Variants in FSHR observed in about 807,000 individuals in gnomAD.
The protein encoded by FSHR is follicle-stimulating hormone receptor.
Under a neutral mutation model 52.1 loss-of-function variants are expected in FSHR, and 46 were observed. The ratio of observed to expected loss-of-function variants is 0.88; its 90% confidence interval spans 0.70 to 1.13. The LOEUF (loss-of-function observed/expected upper bound fraction) is 1.13. Ranked by LOEUF, FSHR falls within the 50% of genes most tolerant of loss-of-function variation. The pLI, the probability that FSHR is intolerant of heterozygous loss-of-function variation, is 0.00. For missense variants in FSHR, 964 were observed against 834.6 expected, an observed-to-expected ratio of 1.16 and a Z score of -1.91; for synonymous variants, 399 against 309.6, an observed-to-expected ratio of 1.29 and a Z score of -3.03.
chr2:49,028,646 A>C (rs150703128), intron 2 of FSHR, among the ~76,000 whole-genome samples: 1 of 152,316 alleles, frequency 6.6e-6, no homozygotes, highest in Non-Finnish European at 1.5e-5. Flanking sequence ...TAGTTGTAGC[A>C]TTGTGAGAAG....
intron 2 of FSHR, among the ~76,000 whole-genome samples, chr2:49,022,533 C>T (rs926099659): frequency 3.5e-4 from 53 of 152,050 alleles, no homozygotes; most frequent in Admixed American, 6.5e-4. Context: ...GGGTGTTTAC[C>T]GTTTATCAGC....
intron 1 of FSHR, among the ~76,000 whole-genome samples, chr2:49,105,886 A>G (rs1385685528): frequency 6.6e-6 from 1 of 152,162 alleles, no homozygotes; most frequent in African/African-American, 2.4e-5. Context: ...CAAGAGTTTC[A>G]TGGCAAGGTG....
chr2:49,010,512 G>T (rs992636359), intron 4 of FSHR, among the ~76,000 whole-genome samples: 1 of 152,004 alleles, frequency 6.6e-6, no homozygotes, highest in East Asian at 1.9e-4. Flanking sequence ...GTCTCTGCCC[G>T]GCTTTGGTAT....
At chr2:49,075,024 T>G (rs1202624480) in intron 1 of FSHR, among the ~76,000 whole-genome samples, 1 of 152,078 alleles carries the variant, frequency 6.6e-6, no homozygotes, top group Non-Finnish European at 1.5e-5. Context: ...CAGAGGATAC[T>G]AGAGGCTGGG....
rs773442849 is a variant in FSHR at position 49,112,370 on chromosome 2, G to A, written c.152+41896C>T. Among the ~76,000 whole-genome samples the A allele has an allele frequency of 3.8e-4, 58 of 152,216 alleles. 1 individual carries two copies. Among genetic ancestry groups the A allele is most frequent in the Non-Finnish European group, 6.5e-4 (44 of 68,004 alleles). On this transcript the variant is annotated intron_variant, in intron 1 of 9. Coordinates refer to ENST00000406846, the MANE Select transcript of FSHR (RefSeq NM_000145.4). ...GAAATATTTATGATGAAACAATAAT[G>A]TCTAGGACTTGTTTTAAAATAATGC...
At chr2:49,026,445 C>G (rs926324724) in intron 2 of FSHR, among the ~76,000 whole-genome samples, 1 of 152,154 alleles carries the variant, frequency 6.6e-6, no homozygotes, top group Non-Finnish European at 1.5e-5. Flanking sequence ...ACCTTGTCAG[C>G]TAAGTGCCAT....
At chr2:49,126,688 G>C (rs924158519) in intron 1 of FSHR, among the ~76,000 whole-genome samples, 1 of 152,170 alleles carries the variant, frequency 6.6e-6, no homozygotes, top group African/African-American at 2.4e-5. Flanking sequence ...TTCTGTCACT[G>C]TATAGAGGAA....
At chr2:48,989,134 G>T in intron 5 of FSHR, 80 bp from the exon 6 acceptor site, 1 of 1,046,704 alleles carries the variant, frequency 9.6e-7, no homozygotes, top group South Asian at 1.3e-5. Flanking sequence ...TAACTGGCAT[G>T]ATGCGGTCTT....
chr2:48,997,031 T>C lies in FSHR; in HGVS notation c.375-6394A>G, dbSNP rs142884800. The C allele has an allele frequency of 4.3e-4, 67 of 154,622 alleles. 2 individuals are homozygous for C. Among genetic ancestry groups the C allele is most frequent in the South Asian group, 2.1e-3 (10 of 4,854 alleles). 9.6% of individuals were successfully genotyped at this position (154,622 alleles called of 1,614,324 possible). A position where few individuals can be genotyped will look rare whatever the true frequency, so the allele number is the denominator to read the frequency against. ...TGCTTTCTGAATCATTAAATAAACA[T>C]TGCGCTAGGTATAGTATCACAGAAT... On this transcript the variant is annotated intron_variant, in intron 4 of 9. Coordinates refer to ENST00000406846, the MANE Select transcript of FSHR (RefSeq NM_000145.4).
At chr2:49,140,713 G>GA (rs1427417326) in intron 1 of FSHR, among the ~76,000 whole-genome samples, 19 of 142,188 alleles carry the variant, frequency 1.3e-4, no homozygotes, top group Admixed American at 6.3e-4. Flanking sequence ...CAAAAAAAGA[G>GA]AGAAAAAAAA....
rs190680527 is a variant in FSHR at position 49,016,363 on chromosome 2, G to A, written c.374+1126C>T. On this transcript the variant is annotated intron_variant, in intron 4 of 9. Transcript: ENST00000406846. ...TCACCTTTTGAATCTGGATGATTCA[G>A]TGAATTGTTTTGGTTAATAGAATGC... is the stretch of plus-strand genomic sequence containing the variant. Among the ~76,000 whole-genome samples the A allele has an allele frequency of 1.6e-4, 24 of 152,290 alleles. 1 individual carries two copies. Among genetic ancestry groups the A allele is most frequent in the Admixed American group, 1.4e-3 (22 of 15,286 alleles).
rs560657393 is a variant in FSHR at position 49,111,138 on chromosome 2, C to T, written c.153-42848G>A. Among the ~76,000 whole-genome samples, 7 of 152,230 alleles carry T rather than the reference C, an allele frequency of 4.6e-5. No homozygotes were observed. The South Asian group carries it at 1.5e-3, about 32-fold the overall frequency. Reference sequence around the variant, plus strand: ...TTGTCACTATCTTGTCCTTATTAAGCCATTAGGACATATGAGAGCCATGTT... The same window carrying T: ...TTGTCACTATCTTGTCCTTATTAAGTCATTAGGACATATGAGAGCCATGTT... On this transcript the variant is annotated intron_variant, in intron 1 of 9. Transcript: ENST00000406846.
chr2:49,117,230 C>T (rs1289063967), intron 1 of FSHR, among the ~76,000 whole-genome samples: 1 of 152,192 alleles, frequency 6.6e-6, no homozygotes, highest in Non-Finnish European at 1.5e-5. Context: ...TTCACCCTTC[C>T]AGACTTCTCA....
rs1183087721 is a variant in FSHR, at chr2:49,062,333, G to A, written c.224+5886C>T. Among the ~76,000 whole-genome samples the A allele has an allele frequency of 3.3e-5, 5 of 152,104 alleles. No individual in the cohort carries two copies. The East Asian group carries it at 9.6e-4, about 29-fold the overall frequency. ...TTGGGGAAAGGAAAATCTCTTCAATGAGTTGTGCTGGGACAACTGGATATT... is the reference window on the plus strand; with the variant it reads ...TTGGGGAAAGGAAAATCTCTTCAATAAGTTGTGCTGGGACAACTGGATATT... On this transcript the variant is annotated intron_variant, in intron 2 of 9. Transcript: ENST00000406846.
intron 2 of FSHR, among the ~76,000 whole-genome samples, chr2:49,051,633 A>T (rs1668859980): frequency 6.6e-6 from 1 of 151,632 alleles, no homozygotes; most frequent in African/African-American, 2.4e-5. Context: ...TCATTATGTG[A>T]TTTGGTTGTC....
intron 2 of FSHR, among the ~76,000 whole-genome samples, chr2:49,048,591 G>T (rs536745703): frequency 2.0e-5 from 3 of 152,120 alleles, no homozygotes; most frequent in Non-Finnish European, 4.4e-5. Flanking sequence ...TGCATATTAC[G>T]TGTTTATAAA....
At chr2:49,021,857 C>CTA (rs1218938323) in intron 2 of FSHR, among the ~76,000 whole-genome samples, 33 of 37,608 alleles carry the variant, frequency 8.8e-4, no homozygotes, top group East Asian at 4.6e-3. Flanking sequence ...CTCTCTCTCT[C>CTA]TCTCTCTATA....
rs1318080603 is a variant in FSHR, at chr2:48,962,844, T to C, written c.1977A>G (p.Ser659=). Residue 659 remains serine, a synonymous_variant, in exon 10 of 10, where the codon TCA becomes TCG. Coordinates refer to ENST00000406846, the MANE Select transcript of FSHR (RefSeq NM_000145.4). The part of the protein sequence containing the change: ...MQAQIYRTET[S]STVHNTHPRN... Reference sequence around the variant, plus strand: ...TTGGATGGGTGTTGTGGACAGTGGATGAAGTTTCTGTCCTATAAATTTGGG... The same window carrying C: ...TTGGATGGGTGTTGTGGACAGTGGACGAAGTTTCTGTCCTATAAATTTGGG... 16 of 1,614,056 alleles carry C rather than the reference T, an allele frequency of 9.9e-6. 1 individual carries two copies. Among genetic ancestry groups the C allele is most frequent in the Non-Finnish European group, 1.4e-5 (16 of 1,180,026 alleles).
chr2:49,018,513 G>A lies in FSHR; in HGVS notation c.300-950C>T, dbSNP rs181961373. Among the ~76,000 whole-genome samples the A allele has an allele frequency of 5.7e-4, 87 of 152,324 alleles. 2 individuals are homozygous for A. Among genetic ancestry groups the A allele is most frequent in the Non-Finnish European group, 3.7e-4 (25 of 68,034 alleles). ...GGTGAGCACCTCTTTATGCAAGGAA[G>A]AGATGAAAGACCCAAACCACTACCT... On this transcript the variant is annotated intron_variant, in intron 3 of 9. Coordinates refer to ENST00000406846, the MANE Select transcript of FSHR (RefSeq NM_000145.4).
Sources: allele counts gnomAD v4.1 joint callset (sites outside exome capture counted in the v4.1 genomes callset), GRCh38; gene constraint gnomAD v4.1.1; transcripts MANE v1.5; gene names NCBI Gene and HGNC (gene_info 2026-07-23, HGNC 2026-07-21).